The following MAVS variants were observed in gnomAD, a reference collection of about 807,000 sequenced individuals.
MAVS encodes mitochondrial antiviral-signaling protein.
MAVS carries 20 observed loss-of-function variants against 30.2 expected under a neutral mutation model. The ratio of observed to expected loss-of-function variants is 0.66; its 90% CI spans 0.47 to 0.96. The LOEUF (loss-of-function observed/expected upper bound fraction) is 0.96. Among genes scored for constraint, MAVS ranks in the 40% least tolerant of loss-of-function variants. MAVS has a pLI of 0.00. For synonymous variants in MAVS, 278 were observed against 293.9 expected, an observed-to-expected ratio of 0.95 and a Z score of 0.55; for missense variants, 624 against 701.1, an observed-to-expected ratio of 0.89 and a Z score of 1.24.
At chr20:3,852,351 T>C (rs1257960287) in intron 1 of MAVS, among the ~76,000 whole-genome samples, 2 of 152,120 alleles carry the variant, frequency 1.3e-5, no homozygotes, top group Non-Finnish European at 2.9e-5. Context: ...GAAGCTGACC[T>C]GAAGATCTCA....
At chr20:3,847,032 G>C (rs927958555) in intron 1 of MAVS, 129 bp downstream of exon 1, 2 of 152,484 alleles carry the variant, frequency 1.3e-5, no homozygotes, top group African/African-American at 4.8e-5. Context: ...GGGGGCCCAG[G>C]AGGGGACAGG....
At chr20:3,862,737 G>A (rs1040039519) in intron 5 of MAVS, among the ~76,000 whole-genome samples, 3 of 152,038 alleles carry the variant, frequency 2.0e-5, no homozygotes, top group Non-Finnish European at 2.9e-5. Context: ...AGTACTCACC[G>A]GTATATACAT....
At chr20:3,851,053 G>T (rs1319344742) in intron 1 of MAVS, among the ~76,000 whole-genome samples, 1 of 151,992 alleles carries the variant, frequency 6.6e-6, no homozygotes, top group Non-Finnish European at 1.5e-5. Context: ...AGGCGCGTTG[G>T]CTGGCGCCTG....
intron 2 of MAVS, among the ~76,000 whole-genome samples, chr20:3,855,212 G>A (rs1415507098): frequency 6.6e-6 from 1 of 152,098 alleles, no homozygotes; most frequent in Non-Finnish European, 1.5e-5. Context: ...TTTGGATGGA[G>A]TGTGGCTCAG....
chr20:3,854,521 C>A (rs1251215928), intron 1 of MAVS, 37 bp from the exon 2 acceptor site: 4 of 711,248 alleles, frequency 5.6e-6, no homozygotes, highest in East Asian at 2.8e-5. Context: ...TCCCAACCCC[C>A]CAACCCTGTT....
chr20:3,862,532 C>A, intron 5 of MAVS, 119 bp downstream of exon 5: 1 of 1,100,684 alleles, frequency 9.1e-7, no homozygotes, highest in Non-Finnish European at 1.3e-6. Context: ...GGGAGTTCAA[C>A]CCAGGAAGCA....
At chr20:3,864,848 C>G in intron 6 of MAVS, 60 bp downstream of exon 6, 1 of 1,571,502 alleles carries the variant, frequency 6.4e-7, no homozygotes, top group Non-Finnish European at 8.6e-7. Flanking sequence ...AGCTTGCCCA[C>G]CTGGCCCTGG....
intron 5 of MAVS, among the ~76,000 whole-genome samples, chr20:3,863,928 A>G (rs1327202908): frequency 6.6e-6 from 1 of 152,160 alleles, no homozygotes; most frequent in Non-Finnish European, 1.5e-5. Context: ...GTCAAAGTAG[A>G]AAAGGTAGAC....
rs1243575393 is a variant in MAVS, at chr20:3,871,432, G to A, written c.*5285G>A. On this transcript the variant is annotated 3_prime_UTR_variant, in exon 7 of 7. Transcript: ENST00000428216. ...CCGAAGCGGGTTCCTCTGTTGTCAAGCTCTTTGGAGGTGCCTGGCTGCTAC... is the reference window on the plus strand; with the variant it reads ...CCGAAGCGGGTTCCTCTGTTGTCAAACTCTTTGGAGGTGCCTGGCTGCTAC... 6.5e-6 allele frequency: 1 copy of A among 153,712 alleles called. No individual in the cohort carries two copies. Among genetic ancestry groups the A allele is most frequent in the Non-Finnish European group, 1.5e-5 (1 of 68,126 alleles). The allele number at this position is 153,712 out of a possible 1,614,324, so 9.5% of individuals were successfully genotyped here.
intron 1 of MAVS, 53 bp from the exon 2 acceptor site, chr20:3,854,505 C>T (rs1017948356): frequency 2.2e-5 from 13 of 582,252 alleles, no homozygotes; most frequent in Non-Finnish European, 3.9e-5. Flanking sequence ...TTTTGTCCAG[C>T]CCCACTCCCA....
rs754655513 is a variant in MAVS at position 3,864,485 on chromosome 20, T to G, written c.855T>G (p.Ser285Arg). The G allele has an allele frequency of 1.2e-6, 2 of 1,614,040 alleles. No homozygotes were observed. The highest frequency in any genetic ancestry group is 1.7e-6 in the Non-Finnish European group (2 of 1,180,016). ...AGGCCGAGCCTATCATCTGCTCCAG[T>G]GGGGCAGAGGCACCTGCCAACTCTC... The part of the protein sequence containing the change: ...SDQAEPIICS[S>R]GAEAPANSLP... Residue 285 changes from serine to arginine, a missense_variant, in exon 6 of 7, where the codon AGT (serine) becomes AGG (arginine). By Grantham distance (110) the Ser-to-Arg change is moderately radical (BLOSUM62 -1). Coordinates refer to ENST00000428216, the MANE Select transcript of MAVS (RefSeq NM_020746.5).
At chr20:3,853,087 C>G (rs1298216872) in intron 1 of MAVS, among the ~76,000 whole-genome samples, 5 of 150,646 alleles carry the variant, frequency 3.3e-5, no homozygotes, top group African/African-American at 9.7e-5. Context: ...GATCCATCCG[C>G]CTCGGCCTCC....
chr20:3,855,414 G>A (rs188900621), intron 2 of MAVS, among the ~76,000 whole-genome samples: 4 of 152,214 alleles, frequency 2.6e-5, no homozygotes, highest in Admixed American at 2.0e-4. Flanking sequence ...TTGTCATGGG[G>A]CCCTGTCCTG....
intron 1 of MAVS, among the ~76,000 whole-genome samples, chr20:3,849,659 C>T (rs917247617): frequency 1.3e-5 from 2 of 152,208 alleles, no homozygotes; most frequent in Non-Finnish European, 2.9e-5. Context: ...GTGTTCTGCA[C>T]GCTAGTTCAG....
At position 3,866,977 on chromosome 20, in the gene MAVS, C is replaced by G; in HGVS notation, c.*830C>G. 1 of 456,838 alleles carries G rather than the reference C, an allele frequency of 2.2e-6. No homozygotes were observed. The highest frequency in any genetic ancestry group is 4.4e-6 in the Non-Finnish European group (1 of 226,984). 28.3% of individuals were successfully genotyped at this position (456,838 alleles called of 1,614,324 possible). On this transcript the variant is annotated 3_prime_UTR_variant, in exon 7 of 7. Coordinates refer to ENST00000428216, the MANE Select transcript of MAVS (RefSeq NM_020746.5). ...ATGTCAGACTTCTGGTCTTGCTTCT[C>G]CACGTGGACAGTGAGTATCTGGCTC...
In MAVS at chr20:3,857,694, C is replaced by T. The variant is rs1419443815; in HGVS notation, c.177C>T (p.Phe59=). 2 of 1,614,146 alleles carry T rather than the reference C, an allele frequency of 1.2e-6. No homozygotes were observed. The highest frequency in any genetic ancestry group is 1.7e-6 in the Non-Finnish European group (2 of 1,180,060). ...ACCGGGACACCCTCTGGCATCTCTT[C>T]AATACCCTTCAGCGGCGGCCCGGCT... The part of the protein sequence containing the change: ...SGNRDTLWHL[F]NTLQRRPGWV... The change falls in exon 3 of 7, where the codon TTC becomes TTT. Residue 59 remains phenylalanine, a synonymous_variant. Coordinates refer to ENST00000428216, the MANE Select transcript of MAVS (RefSeq NM_020746.5).
Position 3,866,583 on chromosome 20 carries a change from C to T in MAVS, c.*436C>T, listed in dbSNP as rs2089910839. 1 of 350,910 alleles carries T rather than the reference C, an allele frequency of 2.8e-6. No individual in the cohort carries two copies. The highest frequency in any genetic ancestry group is 2.1e-5 in the African/African-American group (1 of 46,824). The allele number at this position is 350,910 out of a possible 1,614,324, so 21.7% of individuals were successfully genotyped here. A position where few individuals can be genotyped will look rare whatever the true frequency, so the allele number is the denominator to read the frequency against. Reference sequence around the variant, plus strand: ...GGGCAGGTATGTGGTGTGTGGGCGACTCCACAAGACCTGCCTCCCATCCTG... The same window carrying T: ...GGGCAGGTATGTGGTGTGTGGGCGATTCCACAAGACCTGCCTCCCATCCTG... On this transcript the variant is annotated 3_prime_UTR_variant, in exon 7 of 7. Coordinates refer to ENST00000428216, the MANE Select transcript of MAVS (RefSeq NM_020746.5).
Position 3,867,235 on chromosome 20 carries a change from G to C in MAVS, c.*1088G>C. The C allele has an allele frequency of 2.8e-6, 1 of 360,876 alleles. No individual in the cohort carries two copies. 22.4% of individuals were successfully genotyped at this position (360,876 alleles called of 1,614,324 possible). A position where few individuals can be genotyped will look rare whatever the true frequency, so the allele number is the denominator to read the frequency against. On this transcript the variant is annotated 3_prime_UTR_variant, in exon 7 of 7. Coordinates refer to ENST00000428216, the MANE Select transcript of MAVS (RefSeq NM_020746.5). ...GTGACCTTGGGCAAGGGATTTATCT[G>C]TCTGTCCCTTAGTTTTCTCACCTGT...
chr20:3,873,920 A>G lies in MAVS; in HGVS notation c.*7773A>G, dbSNP rs554509093. ...AGCAGTTCCACTCCTGGGTATGTAC[A>G]CCACAGAAAGCTATGTCCACCGAGA... On this transcript the variant is annotated 3_prime_UTR_variant, in exon 7 of 7. Coordinates refer to ENST00000428216, the MANE Select transcript of MAVS (RefSeq NM_020746.5). 47 of 392,782 alleles carry G rather than the reference A, an allele frequency of 1.2e-4. 1 individual carries two copies. In the South Asian group the frequency reaches 2.0e-3, roughly 17 times the overall value. The allele number at this position is 392,782 out of a possible 1,614,324, so 24.3% of individuals were successfully genotyped here.
Sources: gnomAD v4.1 joint callset for allele counts (sites outside exome capture counted in the v4.1 genomes callset) on GRCh38, gnomAD v4.1.1 for gene constraint, MANE v1.5 for transcripts, NCBI Gene and HGNC (gene_info 2026-07-23, HGNC 2026-07-21) for gene names.